KCNIP4: variants seen among roughly 807,000 people sequenced by gnomAD.
The protein encoded by KCNIP4 is Kv channel-interacting protein 4.
Under a neutral mutation model 34.0 loss-of-function variants are expected in KCNIP4, and 12 were observed. The ratio of observed to expected loss-of-function variants is 0.35; its 90% CI spans 0.23 to 0.57. The LOEUF (loss-of-function observed/expected upper bound fraction) is 0.57, where lower values mean the gene tolerates loss of function less well. Among genes scored for constraint, KCNIP4 ranks in the 20% least tolerant of loss-of-function variants. The pLI is 0.83. For missense variants in KCNIP4, 238 were observed against 311.7 expected (o/e 0.76, Z 1.78); for synonymous variants, 124 against 102.2 (o/e 1.21, Z -1.29).
chr4:20,840,962 A>G (rs533877024), intron 3 of KCNIP4, among the ~76,000 whole-genome samples: 7 of 152,184 alleles, frequency 4.6e-5, no homozygotes, highest in Admixed American at 3.9e-4. Context: ...CCAGATGGCG[A>G]CTCTTGCAAG....
intron 1 of KCNIP4, among the ~76,000 whole-genome samples, chr4:21,065,879 C>G (rs528354600): frequency 6.6e-6 from 1 of 151,140 alleles, no homozygotes; most frequent in South Asian, 2.1e-4. Flanking sequence ...CTTCCCATCA[C>G]GACCCCAGAA....
At chr4:21,297,905 T>C (rs1159559115) in intron 1 of KCNIP4, among the ~76,000 whole-genome samples, 3 of 152,152 alleles carry the variant, frequency 2.0e-5, no homozygotes, top group Non-Finnish European at 4.4e-5. Context: ...TATGTATCTC[T>C]GTATGTTTTA....
intron 1 of KCNIP4, among the ~76,000 whole-genome samples, chr4:21,065,199 T>C (rs183149113): frequency 3.2e-4 from 48 of 152,306 alleles, no homozygotes; most frequent in Non-Finnish European, 5.6e-4. Context: ...TATGACACGC[T>C]GAGCAGCTTG....
chr4:20,877,753 G>A (rs1005450897), intron 2 of KCNIP4, among the ~76,000 whole-genome samples: 10 of 151,920 alleles, frequency 6.6e-5, no homozygotes, highest in African/African-American at 2.2e-4. Context: ...TTCTTCTATG[G>A]GTATGACAGT....
intron 1 of KCNIP4, among the ~76,000 whole-genome samples, chr4:21,085,501 C>T (rs1746344069): frequency 6.6e-6 from 1 of 151,988 alleles, no homozygotes; most frequent in Non-Finnish European, 1.5e-5. Flanking sequence ...TTTCTCATGG[C>T]TTTTTGAAAT....
intron 1 of KCNIP4, among the ~76,000 whole-genome samples, chr4:21,306,049 G>C (rs763607904): frequency 6.6e-6 from 1 of 152,128 alleles, no homozygotes; most frequent in East Asian, 1.9e-4. Context: ...ATGTTTGCTG[G>C]ATAATAAAAG....
intron 1 of KCNIP4, among the ~76,000 whole-genome samples, chr4:21,506,787 A>C (rs534424681): frequency 6.6e-6 from 1 of 152,230 alleles, no homozygotes; most frequent in African/African-American, 2.4e-5. Flanking sequence ...ACAAATTTTA[A>C]TATTGCTTTT....
At chr4:20,928,562 T>C (rs1039255636) in intron 1 of KCNIP4, among the ~76,000 whole-genome samples, 4 of 149,208 alleles carry the variant, frequency 2.7e-5, no homozygotes, top group Non-Finnish European at 6.0e-5. Context: ...CTCAAGAAAC[T>C]AAAAAAAAGA....
intron 3 of KCNIP4, among the ~76,000 whole-genome samples, chr4:20,824,531 T>G (rs1041017221): frequency 6.6e-6 from 1 of 152,094 alleles, no homozygotes; most frequent in African/African-American, 2.4e-5. Context: ...AATACAAAAA[T>G]TAGCCGGGCG....
chr4:20,907,438 C>T (rs1727880970), intron 1 of KCNIP4, among the ~76,000 whole-genome samples: 1 of 152,086 alleles, frequency 6.6e-6, no homozygotes, highest in South Asian at 2.1e-4. Flanking sequence ...GATAATCTAC[C>T]TATCTCATGG....
chr4:21,120,953 G>C (rs567415641), intron 1 of KCNIP4, among the ~76,000 whole-genome samples: 1 of 152,284 alleles, frequency 6.6e-6, no homozygotes, highest in Non-Finnish European at 1.5e-5. Context: ...TTCTGGGGAG[G>C]CACAATTCAG....
In KCNIP4 at chr4:21,552,012, T is replaced by C. The variant is rs192889687; in HGVS notation, c.61+396559A>G. On this transcript the variant is annotated intron_variant, in intron 1 of 8. Coordinates refer to ENST00000382152, the MANE Select transcript of KCNIP4 (RefSeq NM_025221.6). ...AGTTATATCTAGGTTATTGTGAAGATTGAAAAAACAAGGGAGAGCTTTTTT... is the reference window on the plus strand; with the variant it reads ...AGTTATATCTAGGTTATTGTGAAGACTGAAAAAACAAGGGAGAGCTTTTTT... Among the ~76,000 whole-genome samples the C allele has an allele frequency of 1.6e-4, 23 of 147,790 alleles. No individual in the cohort carries two copies. The East Asian group carries it at 2.8e-3, about 18-fold the overall frequency.
At chr4:20,902,699 T>C (rs900606433) in intron 1 of KCNIP4, among the ~76,000 whole-genome samples, 3 of 152,088 alleles carry the variant, frequency 2.0e-5, no homozygotes, top group Non-Finnish European at 4.4e-5. Flanking sequence ...TGTGTATTTT[T>C]AGTAGAGACG....
At chr4:21,358,580 C>A (rs1279688589) in intron 1 of KCNIP4, among the ~76,000 whole-genome samples, 1 of 152,030 alleles carries the variant, frequency 6.6e-6, no homozygotes, top group East Asian at 1.9e-4. Context: ...CATAGGGTGA[C>A]CAGATTGAAC....
intron 1 of KCNIP4, among the ~76,000 whole-genome samples, chr4:21,046,534 TA>T (rs572290591): frequency 6.6e-6 from 1 of 151,226 alleles, no homozygotes; most frequent in Non-Finnish European, 1.5e-5. Flanking sequence ...AATATTCTAT[TA>T]AAAAAAATAA....
At chr4:21,483,585 A>G (rs186618321) in intron 1 of KCNIP4, among the ~76,000 whole-genome samples, 118 of 151,576 alleles carry the variant, frequency 7.8e-4, no homozygotes, top group African/African-American at 2.8e-3. Context: ...GTCAGAAGAT[A>G]GAGATCATTC....
intron 1 of KCNIP4, among the ~76,000 whole-genome samples, chr4:20,984,197 C>A (rs1036969254): frequency 9.9e-5 from 15 of 152,224 alleles, no homozygotes; most frequent in Non-Finnish European, 4.4e-5. Flanking sequence ...TATGCTGCAG[C>A]CAGCGGGCGA....
In KCNIP4 at chr4:21,290,137, A is replaced by C. The variant is rs150323261; in HGVS notation, c.62-407428T>G. ...ATGGCTCTTTATCAATGATTCCAGA[A>C]ACTGTTTGACTTGAAGTTGAAAAAT... is the stretch of plus-strand genomic sequence containing the variant. On this transcript the variant is annotated intron_variant, in intron 1 of 8. Transcript: ENST00000382152. Among the ~76,000 whole-genome samples, 35 of 152,308 alleles carry C rather than the reference A, an allele frequency of 2.3e-4. 1 individual carries two copies. The East Asian group carries it at 6.6e-3, about 29-fold the overall frequency.
chr4:21,186,209 C>T (rs1014014287), intron 1 of KCNIP4, among the ~76,000 whole-genome samples: 9 of 151,706 alleles, frequency 5.9e-5, no homozygotes, highest in African/African-American at 2.2e-4. Context: ...CTGCTCAGAA[C>T]TTTTATTATC....
Sources: gnomAD v4.1 joint callset for allele counts (sites outside exome capture counted in the v4.1 genomes callset) on GRCh38, gnomAD v4.1.1 for gene constraint, MANE v1.5 for transcripts, NCBI Gene and HGNC (gene_info 2026-07-23, HGNC 2026-07-21) for gene names.